IL3: variants seen among roughly 807,000 people sequenced by gnomAD.
IL3 encodes interleukin 3.
IL3 carries 15 observed loss-of-function variants against 15.4 expected under a neutral mutation model. The ratio of observed to expected loss-of-function variants is 0.97; its 90% CI spans 0.65 to 1.50. The LOEUF is 1.50. IL3 is among the 40% of genes most tolerant of loss of function. The pLI is 0.00. For synonymous variants in IL3, 74 were observed against 79.3 expected, an observed-to-expected ratio of 0.93 and a Z score of 0.36; for missense variants, 162 against 192.2, an observed-to-expected ratio of 0.84 and a Z score of 0.93.
In IL3 at chr5:132,062,873, G is replaced by A; in HGVS notation, c.*82G>A. 1 of 1,527,618 alleles carries A rather than the reference G, an allele frequency of 6.5e-7. No homozygotes were observed. Among genetic ancestry groups the A allele is most frequent in the South Asian group, 1.3e-5 (1 of 77,610 alleles). 94.6% of individuals were successfully genotyped at this position (1,527,618 alleles called of 1,614,324 possible). A position where few individuals can be genotyped will look rare whatever the true frequency, so the allele number is the denominator to read the frequency against. On this transcript the variant is annotated 3_prime_UTR_variant, in exon 5 of 5. Transcript: ENST00000296870. ...AAACAGCAGAACTTCTGAAACCTCT[G>A]GGTCATCTCTCACACATTCCAGGAC... is the stretch of plus-strand genomic sequence containing the variant.
In IL3 at chr5:132,060,760, C is replaced by T. The variant is rs2127005767; in HGVS notation, c.54C>T (p.Leu18=). 2 of 1,614,104 alleles carry T rather than the reference C, an allele frequency of 1.2e-6. No individual in the cohort carries two copies. The highest frequency in any genetic ancestry group is 4.5e-5 in the East Asian group (2 of 44,880). The change falls in exon 1 of 5, where the codon CTC becomes CTT. Residue 18 remains leucine, a synonymous_variant. Coordinates refer to ENST00000296870, the MANE Select transcript of IL3 (RefSeq NM_000588.4). Reference sequence around the variant, plus strand: ...TCCAACTCCTGGTCCGCCCCGGACTCCAAGCTCCCATGACCCAGACAACGC... The same window carrying T: ...TCCAACTCCTGGTCCGCCCCGGACTTCAAGCTCCCATGACCCAGACAACGC... ...LLLQLLVRPG[L]QAPMTQTTPL... is the part of the protein sequence containing the mutation.
chr5:132,062,622 A>G (rs775603955), intron 4 of IL3, 47 bp from the exon 5 acceptor site: 2 of 1,613,382 alleles, frequency 1.2e-6, no homozygotes, highest in Non-Finnish European at 1.7e-6. Flanking sequence ...GGTCATCACC[A>G]TTACAGCCTG....
In IL3 at chr5:132,062,741, C is replaced by T. The variant is rs1158534717; in HGVS notation, c.409C>T (p.Leu137Phe). 1 of 1,614,184 alleles carries T rather than the reference C, an allele frequency of 6.2e-7. No individual in the cohort carries two copies. Among genetic ancestry groups the T allele is most frequent in the Non-Finnish European group, 8.5e-7 (1 of 1,180,022 alleles). Residue 137 changes from leucine to phenylalanine, a missense_variant, in exon 5 of 5, where the codon CTT (leucine) becomes TTT (phenylalanine). Physicochemically the swap from Leu to Phe is conservative, Grantham distance 22. Transcript: ENST00000296870. ...GAAACTGACGTTCTATCTGAAAACC[C>T]TTGAGAATGCGCAGGCTCAACAGAC... ...RRKLTFYLKT[L>F]ENAQAQQTTL...
rs1428375394 is a variant in IL3 at position 132,060,736 on chromosome 5, C to G, written c.30C>G (p.Leu10=). MSRLPVLLL[L]QLLVRPGLQA... ...GCCGCCTGCCCGTCCTGCTCCTGCT[C>G]CAACTCCTGGTCCGCCCCGGACTCC... Residue 10 remains leucine (L), a synonymous_variant, in exon 1 of 5, where the codon CTC becomes CTG. Transcript: ENST00000296870. 2 of 1,613,730 alleles carry G rather than the reference C, an allele frequency of 1.2e-6. No homozygotes were observed. Among genetic ancestry groups the G allele is most frequent in the South Asian group, 1.1e-5 (1 of 91,054 alleles).
At chr5:132,062,108 T>C (rs1178936729) in intron 2 of IL3, among the ~76,000 whole-genome samples, 3 of 152,164 alleles carry the variant, frequency 2.0e-5, no homozygotes, top group Admixed American at 2.0e-4. Context: ...GACTGGGGGC[T>C]TGAGGAAACC....
chr5:132,060,687 T>C lies in IL3; in HGVS notation c.-20T>C. On this transcript the variant is annotated 5_prime_UTR_variant, in exon 1 of 5. Transcript: ENST00000296870. ...CACGAAGGACCAGAACAAGACAGAG[T>C]GCCTCCTGCCGATCCAAACATGAGC... is the stretch of plus-strand genomic sequence containing the variant. 6.2e-7 allele frequency: 1 copy of C among 1,611,858 alleles called. No homozygotes were observed. Among genetic ancestry groups the C allele is most frequent in the Non-Finnish European group, 8.5e-7 (1 of 1,179,898 alleles).
chr5:132,060,941 GCCTTTCTCTC>G lies in IL3; in HGVS notation c.163-21_163-12del, dbSNP rs1561832295. 6.2e-7 allele frequency: 1 copy of G among 1,613,828 alleles called. No individual in the cohort carries two copies. The highest frequency in any genetic ancestry group is 1.3e-5 in the African/African-American group (1 of 74,912). On this transcript the variant is annotated splice_polypyrimidine_tract_variant and intron_variant, in intron 1 of 4. Transcript: ENST00000296870. ...TGCCTAAGGCCAAAAGGCCTCATGG[GCCTTTCTCTC>G]CCTTCACCCCCACAGGACTTCAACA...
In IL3 at chr5:132,062,516, C is replaced by T; in HGVS notation, c.295-10C>T. 1 of 1,614,220 alleles carries T rather than the reference C, an allele frequency of 6.2e-7. No individual in the cohort carries two copies. The highest frequency in any genetic ancestry group is 1.3e-5 in the African/African-American group (1 of 75,052). On this transcript the variant is annotated splice_polypyrimidine_tract_variant and intron_variant, in intron 3 of 4. Transcript: ENST00000296870. ...AATCTCTGACCATCTGCTTTGGTCT[C>T]TTTCCACAGAATCTCCTGCCATGTC...
At chr5:132,061,118 G>A in intron 2 of IL3, 110 bp downstream of exon 2, 4 of 924,092 alleles carry the variant, frequency 4.3e-6, no homozygotes, top group Non-Finnish European at 6.9e-6. Flanking sequence ...AGGGTTAATA[G>A]CACCTATCTC....
At position 132,062,990 on chromosome 5, in the gene IL3, G is replaced by A. The variant is rs1756509289; in HGVS notation, c.*199G>A. On this transcript the variant is annotated 3_prime_UTR_variant, in exon 5 of 5. Transcript: ENST00000296870. ...AGCTCCCATTTGGCCTTGTGCGGTT[G>A]TGTTCTCATTTTTATCCCATTGAGA... The A allele has an allele frequency of 1.6e-6, 1 of 643,690 alleles. No individual in the cohort carries two copies. Among genetic ancestry groups the A allele is most frequent in the East Asian group, 2.8e-5 (1 of 35,252 alleles). The allele number at this position is 643,690 out of a possible 1,614,324, so 39.9% of individuals were successfully genotyped here. A position where few individuals can be genotyped will look rare whatever the true frequency, so the allele number is the denominator to read the frequency against.
At position 132,060,753 on chromosome 5, in the gene IL3, C is replaced by T; in HGVS notation, c.47C>T (p.Pro16Leu). Residue 16 changes from proline to leucine, a missense_variant, in exon 1 of 5, where the codon CCC becomes CTC. Pro to Leu is a moderately conservative substitution (Grantham distance 98). Transcript: ENST00000296870. ...VLLLLQLLVR[P>L]GLQAPMTQTT... is the part of the protein sequence containing the mutation. ...CTCCTGCTCCAACTCCTGGTCCGCC[C>T]CGGACTCCAAGCTCCCATGACCCAG... 6.2e-7 allele frequency: 1 copy of T among 1,613,962 alleles called. No individual in the cohort carries two copies.
At chr5:132,060,911 G>T (rs1397833312) in intron 1 of IL3, 43 bp downstream of exon 1, 1 of 1,611,606 alleles carries the variant, frequency 6.2e-7, no homozygotes, top group African/African-American at 1.3e-5. Flanking sequence ...GTGAGGGGTG[G>T]TGGCTGCCTA....
Position 132,060,995 on chromosome 5 carries a change from A to G in IL3, c.191A>G (p.Gln64Arg), listed in dbSNP as rs1756466921. The G allele has an allele frequency of 6.2e-7, 1 of 1,614,186 alleles. No individual in the cohort carries two copies. The highest frequency in any genetic ancestry group is 8.5e-7 in the Non-Finnish European group (1 of 1,179,998). ...TTCAACAACCTCAATGGGGAAGACC[A>G]AGACATTCTGATGGTAAGAGCTCAG... ...LDFNNLNGED[Q>R]DILMENNLRR... is the part of the protein sequence containing the mutation. The change falls in exon 2 of 5, where the codon CAA becomes CGA. Residue 64 changes from glutamine (Q) to arginine (R), a missense_variant. By Grantham distance (43) the Gln-to-Arg change is conservative (BLOSUM62 1). Transcript: ENST00000296870.
chr5:132,062,514 C>G lies in IL3; in HGVS notation c.295-12C>G, dbSNP rs773391343. On this transcript the variant is annotated splice_polypyrimidine_tract_variant and intron_variant, in intron 3 of 4. Transcript: ENST00000296870. Reference sequence around the variant, plus strand: ...GGAATCTCTGACCATCTGCTTTGGTCTCTTTCCACAGAATCTCCTGCCATG... The same window carrying G: ...GGAATCTCTGACCATCTGCTTTGGTGTCTTTCCACAGAATCTCCTGCCATG... The G allele has an allele frequency of 6.2e-7, 1 of 1,614,208 alleles. No homozygotes were observed. Among genetic ancestry groups the G allele is most frequent in the Non-Finnish European group, 8.5e-7 (1 of 1,180,032 alleles).
chr5:132,062,547 CT>C lies in IL3; in HGVS notation c.317del (p.Leu106ArgfsTer25). The C allele has an allele frequency of 3.7e-6, 6 of 1,614,192 alleles. No individual in the cohort carries two copies. The highest frequency in any genetic ancestry group is 5.1e-6 in the Non-Finnish European group (6 of 1,180,034). On this transcript the variant is annotated frameshift_variant, in exon 4 of 5. Transcript: ENST00000296870. LOFTEE classifies it low-confidence loss of function (END_TRUNC). ...ILKNLLPCLP[L>X]ATAAPTRHPI... ...ACAGAATCTCCTGCCATGTCTGCCCCTGGCCACGGCCGCACCCACGGTAAGC... is the reference window on the plus strand; with the variant it reads ...ACAGAATCTCCTGCCATGTCTGCCCCGGCCACGGCCGCACCCACGGTAAGC...
In IL3 at chr5:132,062,828, A is replaced by C. The variant is rs778524489; in HGVS notation, c.*37A>C. On this transcript the variant is annotated 3_prime_UTR_variant, in exon 5 of 5. Transcript: ENST00000296870. ...AGCTCGTTCTCTGGGCCTTCTCACC[A>C]CAGAGCCTCGGGACATCAAAAACAG... is the stretch of plus-strand genomic sequence containing the variant. 7.5e-6 allele frequency: 12 copies of C among 1,598,260 alleles called. No individual in the cohort carries two copies. The South Asian group carries it at 1.1e-4, about 15-fold the overall frequency.
chr5:132,062,267 T>C lies in IL3; in HGVS notation c.205-45T>C, dbSNP rs773852330. The C allele has an allele frequency of 2.8e-6, 4 of 1,447,714 alleles. No homozygotes were observed. The South Asian group carries it at 4.6e-5, about 17-fold the overall frequency. The allele number at this position is 1,447,714 out of a possible 1,614,324, so 89.7% of individuals were successfully genotyped here. ...GACTTCCACCTGCTTGTGGGAGGGA[T>C]ACTCTGTAACCTTTCCCCCTTAAGT... On this transcript the variant is annotated intron_variant, in intron 2 of 4. Transcript: ENST00000296870.
rs1275141639 is a variant in IL3 at position 132,062,581 on chromosome 5, C to G, written c.336+14C>G. The G allele has an allele frequency of 6.2e-7, 1 of 1,614,034 alleles. No homozygotes were observed. The highest frequency in any genetic ancestry group is 2.2e-5 in the East Asian group (1 of 44,874). The stretch of plus-strand genomic sequence containing the variant: ...GCCGCACCCACGGTAAGCTGTCCCC[C>G]AAGATGCCCGTCATGGCTTGCTCCT... On this transcript the variant is annotated intron_variant, in intron 4 of 4. Transcript: ENST00000296870.
At chr5:132,060,906 G>A in intron 1 of IL3, 38 bp downstream of exon 1, 1 of 1,610,610 alleles carries the variant, frequency 6.2e-7, no homozygotes, top group East Asian at 2.2e-5. Context: ...CAGCAGTGAG[G>A]GGTGGTGGCT....
Sources: allele counts gnomAD v4.1 joint callset (sites outside exome capture counted in the v4.1 genomes callset), GRCh38; gene constraint gnomAD v4.1.1; transcripts MANE v1.5; gene names NCBI Gene and HGNC (gene_info 2026-07-23, HGNC 2026-07-21).